SHROOM4: variants seen among roughly 807,000 people sequenced by gnomAD.
The protein encoded by SHROOM4 is shroom family member 4.
SHROOM4 carries 17 observed loss-of-function variants against 80.3 expected under a neutral mutation model. The observed-to-expected ratio is 0.21, with a 90% confidence interval of 0.14 to 0.32. SHROOM4 has a LOEUF of 0.32. Among genes scored for constraint, SHROOM4 ranks in the 10% least tolerant of loss-of-function variants. The pLI is 1.00. For synonymous variants in SHROOM4, 400 were observed against 437.5 expected (o/e 0.91, Z 1.07); for missense variants, 993 against 1,140.3 (o/e 0.87, Z 1.86).
intron 2 of SHROOM4, among the ~76,000 whole-genome samples, chrX:50,690,737 C>T (rs1208935828): frequency 8.9e-6 from 1 of 112,383 alleles, no homozygotes; most frequent in Non-Finnish European, 1.9e-5. Context: ...GAGGCCAAGG[C>T]GGGCAGATCA....
At chrX:50,706,901 T>A (rs949730380) in intron 1 of SHROOM4, among the ~76,000 whole-genome samples, 3 of 111,577 alleles carry the variant, frequency 2.7e-5, no homozygotes, top group African/African-American at 9.8e-5. Flanking sequence ...CAGATATGAT[T>A]CTCCTCAGTT....
chrX:50,585,567 G>C (rs1419625797), downstream of SHROOM4, among the ~76,000 whole-genome samples: 1 of 111,726 alleles, frequency 9.0e-6, no homozygotes, highest in Non-Finnish European at 1.9e-5. Context: ...CCTCTGGGCA[G>C]CCAGGTCAAT....
rs146720703 is a variant in SHROOM4, at chrX:50,668,529, T to C, written c.269+27257A>G. On this transcript the variant is annotated intron_variant, in intron 2 of 8. Coordinates refer to ENST00000376020, the MANE Select transcript of SHROOM4 (RefSeq NM_020717.5). ...AAACAAGCTTAAATATGATTCAGAG[T>C]CTCAAAACATAATATCCTAAATATC... Among the ~76,000 whole-genome samples the C allele has an allele frequency of 1.3e-3, 140 of 110,810 alleles. 1 individual carries two copies. In the East Asian group the frequency reaches 0.037, roughly 29 times the overall value.
intron 1 of SHROOM4, among the ~76,000 whole-genome samples, chrX:50,721,601 A>G (rs1934110862): frequency 1.8e-5 from 2 of 110,952 alleles, no homozygotes; most frequent in African/African-American, 6.6e-5. Context: ...TAGGACCTGT[A>G]TCTTGTGCCG....
chrX:50,723,059 A>C (rs1447059898), intron 1 of SHROOM4, among the ~76,000 whole-genome samples: 1 of 106,823 alleles, frequency 9.4e-6, no homozygotes, highest in African/African-American at 3.4e-5. Context: ...CTCAAAAAGA[A>C]ACTGTAAAGG....
At chrX:50,813,766 C>T (rs1446946727) in intron 1 of SHROOM4, 136 bp downstream of exon 1, 2 of 487,819 alleles carry the variant, frequency 4.1e-6, no homozygotes, top group Non-Finnish European at 7.3e-6. Context: ...AAGACCCCTC[C>T]GTGCCGCTCA....
intron 1 of SHROOM4, among the ~76,000 whole-genome samples, chrX:50,739,131 T>C (rs1392574104): frequency 5.4e-5 from 6 of 111,340 alleles, no homozygotes; most frequent in Admixed American, 1.9e-4. Context: ...TAGCCATATG[T>C]AGAAAGCTGA....
chrX:50,706,971 C>T (rs1933694794), intron 1 of SHROOM4, among the ~76,000 whole-genome samples: 1 of 111,811 alleles, frequency 8.9e-6, no homozygotes, highest in African/African-American at 3.3e-5. Flanking sequence ...CACAAACAGA[C>T]CATGAACAGT....
In SHROOM4 at chrX:50,602,694, G is replaced by C. The variant is rs1384783123; in HGVS notation, c.3881C>G (p.Pro1294Arg). 1 of 1,209,443 alleles carries C rather than the reference G, an allele frequency of 8.3e-7. No homozygotes were observed. The highest frequency in any genetic ancestry group is 1.1e-6 in the Non-Finnish European group (1 of 895,129). The change falls in exon 7 of 9, where the codon CCT (proline) becomes CGT (arginine). Residue 1294 changes from proline (P) to arginine (R), a missense_variant. By Grantham distance (103) the Pro-to-Arg change is moderately radical. Transcript: ENST00000376020. ...AELLNKLKDQPEMAEIGLGEE... is the reference protein window; with the variant it reads ...AELLNKLKDQREMAEIGLGEE... ...TCCTAGGCCAATCTCTGCCATCTCA[G>C]GTTGGTCTTTCAGTTTGTTCAGCAG... is the stretch of plus-strand genomic sequence containing the variant.
At chrX:50,793,246 A>G (rs2147706029) in intron 1 of SHROOM4, among the ~76,000 whole-genome samples, 1 of 110,420 alleles carries the variant, frequency 9.1e-6, no homozygotes, top group South Asian at 3.9e-4. Flanking sequence ...CAAACTCAGA[A>G]GCAGAGAGTA....
chrX:50,751,781 A>C (rs1286450913), intron 1 of SHROOM4, among the ~76,000 whole-genome samples: 1 of 112,112 alleles, frequency 8.9e-6, no homozygotes, highest in Non-Finnish European at 1.9e-5. Flanking sequence ...GCTAAACAGT[A>C]AGATCTAAGA....
At chrX:50,693,748 C>T (rs912352706) in intron 2 of SHROOM4, among the ~76,000 whole-genome samples, 1 of 110,315 alleles carries the variant, frequency 9.1e-6, no homozygotes, top group African/African-American at 3.3e-5. Context: ...ATGAATTCTT[C>T]TCTACTAGCT....
At chrX:50,735,214 G>A (rs1195553327) in intron 1 of SHROOM4, among the ~76,000 whole-genome samples, 2 of 111,953 alleles carry the variant, frequency 1.8e-5, no homozygotes, top group African/African-American at 3.2e-5. Flanking sequence ...AGGGTGCCAA[G>A]ACAATTCAAT....
At position 50,618,415 on chromosome X, in the gene SHROOM4, CCTTCCTTT is replaced by C. The variant is rs1569546625; in HGVS notation, c.2957+9191_2957+9198del. Among the ~76,000 whole-genome samples the C allele has an allele frequency of 5.1e-5, 4 of 79,003 alleles. 1 individual carries two copies. The highest frequency in any genetic ancestry group is 9.9e-5 in the Non-Finnish European group (4 of 40,587). 68.6% of individuals were successfully genotyped at this position (79,003 alleles called of 115,157 possible). On this transcript the variant is annotated intron_variant, in intron 5 of 8. Coordinates refer to ENST00000376020, the MANE Select transcript of SHROOM4 (RefSeq NM_020717.5). The stretch of plus-strand genomic sequence containing the variant: ...TCCTTCCTTCCTTCCTTCCTTCCTT[CCTTCCTTT>C]CTTATTTTTGAGACAGTGTCTTGCC...
intron 1 of SHROOM4, among the ~76,000 whole-genome samples, chrX:50,708,255 A>G (rs1933726939): frequency 8.9e-6 from 1 of 112,181 alleles, no homozygotes. Context: ...TTCTGGGTCC[A>G]AACTCTTTCA....
At chrX:50,640,152 T>A (rs1193095641) in intron 2 of SHROOM4, among the ~76,000 whole-genome samples, 6 of 111,951 alleles carry the variant, frequency 5.4e-5, no homozygotes, top group Non-Finnish European at 9.4e-5. Flanking sequence ...CATCTACCAG[T>A]AGTAGTACTA....
intron 2 of SHROOM4, among the ~76,000 whole-genome samples, chrX:50,639,775 T>C (rs912502167): frequency 9.0e-6 from 1 of 111,514 alleles, no homozygotes; most frequent in Non-Finnish European, 1.9e-5. Context: ...GGCTAAGGCC[T>C]AAAAAGATAG....
chrX:50,715,458 T>C (rs1557264729), intron 1 of SHROOM4, among the ~76,000 whole-genome samples: 1 of 111,832 alleles, frequency 8.9e-6, no homozygotes, highest in Non-Finnish European at 1.9e-5. Flanking sequence ...ACACAGTAGG[T>C]GTTATGTCTG....
At chrX:50,680,441 C>A (rs1290970500) in intron 2 of SHROOM4, among the ~76,000 whole-genome samples, 1 of 111,188 alleles carries the variant, frequency 9.0e-6, no homozygotes, top group Non-Finnish European at 1.9e-5. Context: ...TCCTGTGTAG[C>A]CTTTATCTAG....
Sources: allele counts gnomAD v4.1 joint callset (sites outside exome capture counted in the v4.1 genomes callset), GRCh38; gene constraint gnomAD v4.1.1; transcripts MANE v1.5; gene names NCBI Gene and HGNC (gene_info 2026-07-23, HGNC 2026-07-21).